Variants in IQSEC1 observed in about 807,000 individuals in gnomAD.
The protein encoded by IQSEC1 is IQ motif and Sec7 domain ArfGEF 1.
IQSEC1 carries 31 observed loss-of-function variants against 91.0 expected under a neutral mutation model. That is an observed-to-expected ratio of 0.34 (90% CI 0.26 to 0.46). IQSEC1 has a LOEUF of 0.46. Ranked by LOEUF, IQSEC1 falls within the 20% of genes least tolerant of loss-of-function variation. The pLI, the probability that IQSEC1 is intolerant of heterozygous loss-of-function variation, is 1.00. For synonymous variants in IQSEC1, 699 were observed against 662.6 expected, an observed-to-expected ratio of 1.05 and a Z score of -0.84; for missense variants, 1,388 against 1,575.6, an observed-to-expected ratio of 0.88 and a Z score of 2.02.
Position 13,273,592 on chromosome 3 carries a change from A to G in IQSEC1, c.272+9119T>C, listed in dbSNP as rs372788112. ...GGTGGGGCCGTGTGCCTTCAGCCCC[A>G]GCCCACGTGCTCCTGCCCATCCCAG... On this transcript the variant is annotated intron_variant, in intron 1 of 15. Coordinates refer to the IQSEC1 transcript ENST00000648114. Among the ~76,000 whole-genome samples the G allele has an allele frequency of 5.9e-5, 9 of 152,200 alleles. No individual in the cohort carries two copies. In the East Asian group the frequency reaches 1.7e-3, roughly 29 times the overall value.
chr3:13,197,184 A>C (rs1694145406), intron 1 of IQSEC1, among the ~76,000 whole-genome samples: 1 of 152,206 alleles, frequency 6.6e-6, no homozygotes, highest in Admixed American at 6.5e-5. Context: ...TCCCCTACGG[A>C]AGGTCAGGGA....
intron 1 of IQSEC1, among the ~76,000 whole-genome samples, chr3:13,229,067 G>C (rs960977376): frequency 6.6e-6 from 1 of 152,144 alleles, no homozygotes; most frequent in African/African-American, 2.4e-5. Context: ...TGTGACATGG[G>C]CTGGCACCAC....
chr3:13,125,099 G>T (rs1706491590), intron 2 of IQSEC1, among the ~76,000 whole-genome samples: 1 of 152,158 alleles, frequency 6.6e-6, no homozygotes. Context: ...CTGCCCCTGG[G>T]TAACTCTACA....
At chr3:13,164,722 G>A (rs544580600) in intron 1 of IQSEC1, among the ~76,000 whole-genome samples, 3 of 152,268 alleles carry the variant, frequency 2.0e-5, no homozygotes, top group South Asian at 2.1e-4. Flanking sequence ...GTGACTACGC[G>A]GTATTGACAG....
rs940800738 is a variant in IQSEC1 at position 13,193,725 on chromosome 3, G to A, written c.273-29592C>T. Among the ~76,000 whole-genome samples the A allele has an allele frequency of 1.3e-5, 2 of 152,088 alleles. No homozygotes were observed. The highest frequency in any genetic ancestry group is 2.9e-5 in the Non-Finnish European group (2 of 68,004). On this transcript the variant is annotated intron_variant, in intron 1 of 15. Transcript: ENST00000648114. This position sits in a 1 kb window ranked among gnomAD's most constrained non-coding sequence, Gnocchi z 4.2. The stretch of plus-strand genomic sequence containing the variant: ...AGAGCTTAAGCCTCCCTCCTCCAAC[G>A]GGCTCTCCCTGGACACATGCTGTGC...
At chr3:13,200,136 T>C (rs1201514958) in intron 1 of IQSEC1, among the ~76,000 whole-genome samples, 1 of 148,038 alleles carries the variant, frequency 6.8e-6, no homozygotes, top group Non-Finnish European at 1.5e-5. Flanking sequence ...ACTACTCACA[T>C]ATGCCACATG....
rs116498394 is a variant in IQSEC1, at chr3:13,126,098, C to T, written c.302+38006G>A. Among the ~76,000 whole-genome samples the T allele has an allele frequency of 5.7e-3, 874 of 152,294 alleles. 6 individuals carry two copies. Among genetic ancestry groups the T allele is most frequent in the Non-Finnish European group, 9.6e-3 (650 of 68,022 alleles). ...TAAAATTGACACACAATACTCTGGA[C>T]ATATTAAAAGTGTACAATTTAATAA... On this transcript the variant is annotated intron_variant, in intron 2 of 15. Transcript: ENST00000648114.
chr3:13,275,364 G>A (rs1444834789), intron 1 of IQSEC1, among the ~76,000 whole-genome samples: 3 of 152,184 alleles, frequency 2.0e-5, no homozygotes, highest in African/African-American at 7.2e-5. Context: ...TTGGAGGGCA[G>A]GGGCCAGTCT....
intron 1 of IQSEC1, among the ~76,000 whole-genome samples, chr3:13,258,086 A>G (rs1177377441): frequency 6.6e-6 from 1 of 152,244 alleles, no homozygotes; most frequent in African/African-American, 2.4e-5. Flanking sequence ...AGGGATGAAC[A>G]GGCAGAGCAC....
chr3:12,916,610 T>A (rs1696117412), intron 6 of IQSEC1, among the ~76,000 whole-genome samples: 1 of 152,212 alleles, frequency 6.6e-6, no homozygotes, highest in Non-Finnish European at 1.5e-5. Flanking sequence ...GTAGGCAACC[T>A]GGCAATGCCT....
At chr3:12,974,633 A>C (rs956784613) in intron 1 of IQSEC1, among the ~76,000 whole-genome samples, 2 of 152,230 alleles carry the variant, frequency 1.3e-5, no homozygotes, top group African/African-American at 4.8e-5. Context: ...CTTCAGGAGG[A>C]AATTCCACTG....
At chr3:12,939,308 A>G (rs1698534738) in intron 2 of IQSEC1, among the ~76,000 whole-genome samples, 1 of 152,192 alleles carries the variant, frequency 6.6e-6, no homozygotes, top group African/African-American at 2.4e-5. Context: ...CAGAAGAGGA[A>G]CCCGGAAGAA....
intron 12 of IQSEC1, among the ~76,000 whole-genome samples, chr3:12,907,361 G>A (rs1695092177): frequency 6.6e-6 from 1 of 152,172 alleles, no homozygotes; most frequent in Non-Finnish European, 1.5e-5. Context: ...GGCAGGTGGG[G>A]CAGGCAACCC....
chr3:13,148,352 A>C (rs1706932099), intron 2 of IQSEC1, among the ~76,000 whole-genome samples: 1 of 152,068 alleles, frequency 6.6e-6, no homozygotes, highest in African/African-American at 2.4e-5. Flanking sequence ...CCTCTCCCCA[A>C]GCCCGGCACA....
In IQSEC1 at chr3:12,994,910, A is replaced by T. The variant is rs1275705173; in HGVS notation, c.24-53045T>A. 6.5e-6 allele frequency: 1 copy of T among 152,820 alleles called. No individual in the cohort carries two copies. Among genetic ancestry groups the T allele is most frequent in the Non-Finnish European group, 1.5e-5 (1 of 68,492 alleles). 9.5% of individuals were successfully genotyped at this position (152,820 alleles called of 1,614,324 possible). ...CCCAAAGACGGGGAAGAAGTGGCGCAGATAGCAGAGGCTGGGCCTGGAAGG... is the reference window on the plus strand; with the variant it reads ...CCCAAAGACGGGGAAGAAGTGGCGCTGATAGCAGAGGCTGGGCCTGGAAGG... On this transcript the variant is annotated intron_variant, in intron 1 of 13. Transcript: ENST00000613206. This position sits in a 1 kb window ranked among gnomAD's most constrained non-coding sequence, Gnocchi z 4.5.
intron 1 of IQSEC1, among the ~76,000 whole-genome samples, chr3:13,039,171 T>C (rs1434097315): frequency 1.3e-5 from 2 of 152,212 alleles, no homozygotes; most frequent in Admixed American, 6.5e-5. Context: ...CCTCCCACAA[T>C]GGCCTTTGGG....
intron 1 of IQSEC1, among the ~76,000 whole-genome samples, chr3:12,985,792 T>C (rs1382563961): frequency 6.6e-6 from 1 of 152,232 alleles, no homozygotes; most frequent in Non-Finnish European, 1.5e-5. Flanking sequence ...GGCACATACA[T>C]AGTCTTCACT....
intron 2 of IQSEC1, among the ~76,000 whole-genome samples, chr3:13,126,252 CT>C (rs1265827241): frequency 2.6e-5 from 4 of 152,188 alleles, no homozygotes; most frequent in Non-Finnish European, 4.4e-5. Context: ...CATTTCTAGA[CT>C]TGTTTATAAA....
chr3:13,132,500 C>T (rs930307830), intron 2 of IQSEC1, among the ~76,000 whole-genome samples: 3 of 152,210 alleles, frequency 2.0e-5, no homozygotes, highest in Admixed American at 1.3e-4. Context: ...AGTGTATCCT[C>T]TCCCAGGCTT....
Sources: allele counts gnomAD v4.1 joint callset (sites outside exome capture counted in the v4.1 genomes callset), GRCh38; gene constraint gnomAD v4.1.1; non-coding constraint Gnocchi (gnomAD v3.1); transcripts MANE v1.5; gene names NCBI Gene and HGNC (gene_info 2026-07-23, HGNC 2026-07-21).